The following UNC13B variants were observed in gnomAD, a reference collection of about 807,000 sequenced individuals.
UNC13B encodes protein unc-13 homolog B.
A neutral mutation model predicts 211.0 loss-of-function variants in UNC13B; 144 were observed. The ratio of observed to expected loss-of-function variants is 0.68; its 90% CI spans 0.60 to 0.78. UNC13B has a LOEUF of 0.78. Ranked by LOEUF, UNC13B falls within the 30% of genes least tolerant of loss-of-function variation. UNC13B has a pLI of 0.00. For synonymous variants in UNC13B, 709 were observed against 725.8 expected (o/e 0.98, Z 0.37); for missense variants, 1,777 against 2,002.0 (o/e 0.89, Z 2.14).
chr9:35,201,374 C>G (rs1295110104), intron 1 of UNC13B, among the ~76,000 whole-genome samples: 16 of 152,192 alleles, frequency 1.1e-4, no homozygotes, highest in Non-Finnish European at 2.1e-4. Flanking sequence ...AGGATTCCCT[C>G]TTTTTCTATT....
intron 1 of UNC13B, among the ~76,000 whole-genome samples, chr9:35,167,537 A>C (rs562515619): frequency 6.9e-6 from 1 of 143,890 alleles, no homozygotes; most frequent in African/African-American, 2.6e-5. Flanking sequence ...TATTCAGGAT[A>C]TTTTTCTTTT....
chr9:35,395,474 C>T (rs1018243957), intron 26 of UNC13B, among the ~76,000 whole-genome samples: 16 of 152,148 alleles, frequency 1.1e-4, no homozygotes, highest in African/African-American at 2.9e-4. Flanking sequence ...CTGGATGTTC[C>T]GCCTTGACTT....
chr9:35,404,753 C>G lies in UNC13B; in HGVS notation c.*720C>G, dbSNP rs1587792703. 6.5e-6 allele frequency: 1 copy of G among 152,754 alleles called. No individual in the cohort carries two copies. The highest frequency in any genetic ancestry group is 2.4e-5 in the African/African-American group (1 of 41,564). The allele number at this position is 152,754 out of a possible 1,614,324, so 9.5% of individuals were successfully genotyped here. A position where few individuals can be genotyped will look rare whatever the true frequency, so the allele number is the denominator to read the frequency against. On this transcript the variant is annotated 3_prime_UTR_variant, in exon 40 of 40. Coordinates refer to ENST00000635942, the MANE Select transcript of UNC13B (RefSeq NM_001371189.2). ...GCCACCTGCCTGGGAGTCTCCCTGCCTCACTCCTCTAGGCAGGGGAGTGAT... is the reference window on the plus strand; with the variant it reads ...GCCACCTGCCTGGGAGTCTCCCTGCGTCACTCCTCTAGGCAGGGGAGTGAT...
intron 26 of UNC13B, among the ~76,000 whole-genome samples, chr9:35,395,735 T>C (rs2132341777): frequency 6.6e-6 from 1 of 152,340 alleles, no homozygotes; most frequent in Admixed American, 6.5e-5. Context: ...TGTCTTAGAT[T>C]TTCCAGAAGG....
At chr9:35,228,517 T>C (rs1824996609) in intron 2 of UNC13B, among the ~76,000 whole-genome samples, 1 of 151,054 alleles carries the variant, frequency 6.6e-6, no homozygotes, top group Non-Finnish European at 1.5e-5. Flanking sequence ...CCCCAGTGTG[T>C]AGTGGATAAA....
At chr9:35,197,030 C>T (rs1822983234) in intron 1 of UNC13B, among the ~76,000 whole-genome samples, 1 of 152,076 alleles carries the variant, frequency 6.6e-6, no homozygotes, top group Non-Finnish European at 1.5e-5. Context: ...TTCAATCTCC[C>T]AAAACGTTGG....
At position 35,307,080 on chromosome 9, in the gene UNC13B, G is replaced by T. The variant is rs556598755; in HGVS notation, c.7676G>T (p.Ser2559Ile). 3.1e-4 allele frequency: 122 copies of T among 399,042 alleles called. No homozygotes were observed. The highest frequency in any genetic ancestry group is 2.2e-3 in the African/African-American group (107 of 48,748). 24.7% of individuals were successfully genotyped at this position (399,042 alleles called of 1,614,324 possible). The change falls in exon 9 of 40, where the codon AGT (serine) becomes ATT (isoleucine). Residue 2559 changes from serine to isoleucine, a missense_variant. By Grantham distance (142) the Ser-to-Ile change is moderately radical. Transcript: ENST00000635942. ...AGAGAAGCTGCCTTTACAGCACTAA[G>T]TTCAGAATCTACTCTCAGTGACTGT... ...ERREAAFTALSSESTLSDCRM... is the reference protein window; with the variant it reads ...ERREAAFTALISESTLSDCRM...
At chr9:35,359,423 C>T (rs1336756914) in intron 11 of UNC13B, among the ~76,000 whole-genome samples, 1 of 152,190 alleles carries the variant, frequency 6.6e-6, no homozygotes, top group Non-Finnish European at 1.5e-5. Context: ...GTTTCATAAG[C>T]ATTCCCAGGT....
chr9:35,201,742 C>T (rs1285919052), intron 1 of UNC13B, among the ~76,000 whole-genome samples: 2 of 152,088 alleles, frequency 1.3e-5, no homozygotes, highest in Admixed American at 1.3e-4. Context: ...CTTTATTAGT[C>T]TTGCTAGCGG....
At position 35,322,607 on chromosome 9, in the gene UNC13B, C is replaced by A. The variant is rs553527418; in HGVS notation, c.9414+8618C>A. ...GCGATCATTAAGACAGAGAACGAAT[C>A]GAAACTCTTCTGCAAAGTTCCGTTC... On this transcript the variant is annotated intron_variant, in intron 11 of 39. Coordinates refer to ENST00000635942, the MANE Select transcript of UNC13B (RefSeq NM_001371189.2). Among the ~76,000 whole-genome samples, 3 of 152,222 alleles carry A rather than the reference C, an allele frequency of 2.0e-5. No homozygotes were observed. The East Asian group carries it at 5.8e-4, about 29-fold the overall frequency.
intron 1 of UNC13B, among the ~76,000 whole-genome samples, chr9:35,185,699 C>T (rs550859198): frequency 7.1e-4 from 108 of 151,488 alleles, no homozygotes; most frequent in Admixed American, 1.1e-3. Context: ...GTGGGCGGAT[C>T]ACTTGAGGCC....
At chr9:35,198,064 C>T (rs1320173601) in intron 1 of UNC13B, among the ~76,000 whole-genome samples, 1 of 152,202 alleles carries the variant, frequency 6.6e-6, no homozygotes, top group African/African-American at 2.4e-5. Flanking sequence ...TAACACCCCA[C>T]TTGGTGTATA....
chr9:35,272,163 A>C (rs1256610959), intron 7 of UNC13B, among the ~76,000 whole-genome samples: 1 of 151,448 alleles, frequency 6.6e-6, no homozygotes, highest in Non-Finnish European at 1.5e-5. Flanking sequence ...TAAGAAATAA[A>C]TTATATACAT....
chr9:35,211,517 G>A (rs1363485983), intron 1 of UNC13B, among the ~76,000 whole-genome samples: 5 of 152,050 alleles, frequency 3.3e-5, no homozygotes, highest in Non-Finnish European at 7.3e-5. Context: ...TGAACATTTA[G>A]GCTGATTCTA....
At position 35,308,284 on chromosome 9, in the gene UNC13B, T is replaced by C. The variant is rs1285567493; in HGVS notation, c.8880T>C (p.Thr2960=). ...GGAAACATGAGGAAGAACCCTCCAC[T>C]GTCTCTGAGATATTTCACCAGCTAG... ...PSGKHEEEPS[T]VSEIFHQLEK... Residue 2960 remains threonine, a synonymous_variant, in exon 9 of 40, where the codon ACT becomes ACC. Coordinates refer to ENST00000635942, the MANE Select transcript of UNC13B (RefSeq NM_001371189.2). 10 of 398,976 alleles carry C rather than the reference T, an allele frequency of 2.5e-5. No individual in the cohort carries two copies. Among genetic ancestry groups the C allele is most frequent in the Non-Finnish European group, 4.0e-5 (9 of 226,146 alleles). The allele number at this position is 398,976 out of a possible 1,614,324, so 24.7% of individuals were successfully genotyped here.
At chr9:35,313,418 A>C (rs1830281371) in intron 10 of UNC13B, among the ~76,000 whole-genome samples, 3 of 152,180 alleles carry the variant, frequency 2.0e-5, no homozygotes, top group East Asian at 1.9e-4. Context: ...TGTGCTCAGG[A>C]GTTCAAGACA....
At chr9:35,342,178 G>A in intron 11 of UNC13B, 1 of 985,520 alleles carries the variant, frequency 1.0e-6, no homozygotes, top group East Asian at 1.1e-4. Context: ...GGCAAGCAGT[G>A]GTGCTTTGGC....
chr9:35,325,158 A>G (rs1226566035), intron 11 of UNC13B, among the ~76,000 whole-genome samples: 1 of 152,204 alleles, frequency 6.6e-6, no homozygotes, highest in African/African-American at 2.4e-5. Context: ...TATCTTATGC[A>G]CATAAAAAGT....
chr9:35,398,118 C>A, intron 30 of UNC13B, 93 bp from the exon 31 acceptor site: 1 of 1,143,462 alleles, frequency 8.7e-7, no homozygotes, highest in Non-Finnish European at 1.3e-6. Context: ...TATGTGAAGT[C>A]CCTGTGGCTT....
Sources: allele counts gnomAD v4.1 joint callset (sites outside exome capture counted in the v4.1 genomes callset), GRCh38; gene constraint gnomAD v4.1.1; transcripts MANE v1.5; gene names NCBI Gene and HGNC (gene_info 2026-07-23, HGNC 2026-07-21).